Variants in NKAIN2 observed in about 807,000 individuals in gnomAD.
NKAIN2 encodes the protein sodium/potassium transporting ATPase interacting 2.
NKAIN2 carries 14 observed loss-of-function variants against 32.6 expected under a neutral mutation model. That is an observed-to-expected ratio of 0.43 (90% CI 0.28 to 0.67). NKAIN2 has a LOEUF of 0.67. Among genes scored for constraint, NKAIN2 ranks in the 30% least tolerant of loss-of-function variants. The pLI is 0.17. For missense variants in NKAIN2, 198 were observed against 258.3 expected, an observed-to-expected ratio of 0.77 and a Z score of 1.60; for synonymous variants, 80 against 87.2, an observed-to-expected ratio of 0.92 and a Z score of 0.46.
intron 4 of NKAIN2, among the ~76,000 whole-genome samples, chr6:124,765,037 T>C (rs994896544): frequency 6.6e-6 from 1 of 152,150 alleles, no homozygotes; most frequent in Non-Finnish European, 1.5e-5. Context: ...TTAAGCAATC[T>C]CCAGATAATA....
chr6:124,817,980 ACTTGAGTGGTCAT>A (rs1240386518), intron 5 of NKAIN2, among the ~76,000 whole-genome samples: 2,472 of 152,240 alleles, frequency 0.016, no homozygotes, highest in African/African-American at 0.054. Context: ...AGATACATGC[ACTTGAGTGGTCAT>A]TATTTATATT....
intron 3 of NKAIN2, among the ~76,000 whole-genome samples, chr6:124,458,082 T>C (rs919230119): frequency 2.0e-5 from 3 of 151,976 alleles, no homozygotes; most frequent in South Asian, 2.1e-4. Flanking sequence ...TCAAATTTGC[T>C]TAAAATAATT....
chr6:124,003,945 A>C (rs980882523), intron 1 of NKAIN2, among the ~76,000 whole-genome samples: 2 of 152,218 alleles, frequency 1.3e-5, no homozygotes, highest in African/African-American at 4.8e-5. Context: ...CTAGACTAGA[A>C]ATTGACATAG....
At chr6:123,938,519 ATTTATATATTATATTTT>A (rs1398905039) in intron 1 of NKAIN2, among the ~76,000 whole-genome samples, 1 of 134,044 alleles carries the variant, frequency 7.5e-6, no homozygotes, top group Admixed American at 8.1e-5. Context: ...TATTATATAT[ATTTATATATTATATTTT>A]TTATATATTA....
chr6:123,911,807 A>ATATATGTATATATATATATATG (rs1775208356), intron 1 of NKAIN2, among the ~76,000 whole-genome samples: 2 of 103,736 alleles, frequency 1.9e-5, no homozygotes, highest in African/African-American at 8.8e-5. Flanking sequence ...ATATGTATAT[A>ATATATGTATATATATATATATG]TATATACACA....
intron 1 of NKAIN2, among the ~76,000 whole-genome samples, chr6:123,915,521 G>A (rs1304153417): frequency 6.6e-6 from 1 of 152,118 alleles, no homozygotes; most frequent in Non-Finnish European, 1.5e-5. Context: ...GACTTGGTTT[G>A]AGAGGCACTG....
At chr6:124,593,344 A>G (rs1268186830) in intron 3 of NKAIN2, among the ~76,000 whole-genome samples, 1 of 152,140 alleles carries the variant, frequency 6.6e-6, no homozygotes, top group Non-Finnish European at 1.5e-5. Context: ...AACTTTTTTT[A>G]AAACAATTAT....
At chr6:124,793,789 CT>C (rs988871078) in intron 5 of NKAIN2, among the ~76,000 whole-genome samples, 7 of 151,656 alleles carry the variant, frequency 4.6e-5, no homozygotes, top group Admixed American at 6.6e-5. Flanking sequence ...AAAGTATGTC[CT>C]TTTTTTTGTT....
intron 1 of NKAIN2, among the ~76,000 whole-genome samples, chr6:123,976,059 T>C (rs1477509874): frequency 2.6e-5 from 4 of 151,492 alleles, no homozygotes; most frequent in East Asian, 2.0e-4. Context: ...TGCACATGCT[T>C]TCTTGTCTGC....
intron 3 of NKAIN2, among the ~76,000 whole-genome samples, chr6:124,552,160 A>G (rs957672535): frequency 2.0e-5 from 3 of 152,244 alleles, no homozygotes; most frequent in Non-Finnish European, 2.9e-5. Flanking sequence ...TCTCATTTCA[A>G]TGACCTACTA....
At chr6:124,295,568 A>G (rs1796012583) in intron 2 of NKAIN2, among the ~76,000 whole-genome samples, 1 of 152,132 alleles carries the variant, frequency 6.6e-6, no homozygotes, top group Admixed American at 6.6e-5. Context: ...ACCGATTAGG[A>G]AGGAGATTAA....
intron 1 of NKAIN2, among the ~76,000 whole-genome samples, chr6:123,946,363 G>T (rs920706307): frequency 6.6e-6 from 1 of 152,068 alleles, no homozygotes; most frequent in Non-Finnish European, 1.5e-5. Context: ...ATATGCTCTA[G>T]TAGGCATGAT....
chr6:124,309,638 A>C (rs1461214169), intron 2 of NKAIN2, among the ~76,000 whole-genome samples: 1 of 152,070 alleles, frequency 6.6e-6, no homozygotes, highest in Non-Finnish European at 1.5e-5. Context: ...AGAACCTTAC[A>C]TTGTATGGCC....
chr6:124,082,845 C>T (rs375100530), intron 1 of NKAIN2, among the ~76,000 whole-genome samples: 2 of 152,020 alleles, frequency 1.3e-5, no homozygotes, highest in Admixed American at 6.6e-5. Flanking sequence ...GAAAATCAAA[C>T]GCACCAAATA....
At chr6:124,014,758 T>G (rs1048781146) in intron 1 of NKAIN2, among the ~76,000 whole-genome samples, 1 of 152,176 alleles carries the variant, frequency 6.6e-6, no homozygotes. Context: ...TTTTGGGATT[T>G]TTTGCTTTAG....
intron 1 of NKAIN2, among the ~76,000 whole-genome samples, chr6:124,134,411 C>T (rs1192159674): frequency 1.3e-5 from 2 of 152,198 alleles, no homozygotes; most frequent in African/African-American, 2.4e-5. Flanking sequence ...TTCTTAAGGG[C>T]ACGGTGGCTC....
intron 1 of NKAIN2, among the ~76,000 whole-genome samples, chr6:124,220,125 G>A (rs1033240996): frequency 2.0e-5 from 3 of 152,132 alleles, no homozygotes; most frequent in African/African-American, 7.2e-5. Flanking sequence ...TTAGATCATG[G>A]GGGTGGCTTT....
At chr6:124,489,378 A>C (rs1405443372) in intron 3 of NKAIN2, among the ~76,000 whole-genome samples, 2 of 151,908 alleles carry the variant, frequency 1.3e-5, no homozygotes, top group African/African-American at 4.8e-5. Flanking sequence ...TGGTTTCCTA[A>C]TTCATCACTG....
At chr6:124,729,102 T>G (rs1479311851) in intron 4 of NKAIN2, among the ~76,000 whole-genome samples, 30 of 152,024 alleles carry the variant, frequency 2.0e-4, no homozygotes, top group South Asian at 1.2e-3. Context: ...GGACCAGATG[T>G]ATTCACAGCT....
Sources: allele counts gnomAD v4.1 joint callset (sites outside exome capture counted in the v4.1 genomes callset), GRCh38; gene constraint gnomAD v4.1.1; transcripts MANE v1.5; gene names NCBI Gene and HGNC (gene_info 2026-07-23, HGNC 2026-07-21).